Variants in ITPRID2 observed in about 807,000 individuals in gnomAD.
ITPRID2 encodes the protein ITPR interacting domain containing 2, also known as protein ITPRID2.
Under a neutral mutation model 124.3 loss-of-function variants are expected in ITPRID2, and 60 were observed. The ratio of observed to expected loss-of-function variants is 0.48; its 90% CI spans 0.39 to 0.60. The LOEUF (loss-of-function observed/expected upper bound fraction) is 0.60. Ranked by LOEUF, ITPRID2 falls within the 20% of genes least tolerant of loss-of-function variation. The pLI, the probability that ITPRID2 is intolerant of heterozygous loss-of-function variation, is 0.00. For synonymous variants in ITPRID2, 521 were observed against 542.9 expected (o/e 0.96, Z 0.56); for missense variants, 1,553 against 1,512.2 (o/e 1.03, Z -0.45).
intron 8 of ITPRID2, among the ~76,000 whole-genome samples, chr2:181,908,099 G>A (rs143864779): frequency 6.6e-6 from 1 of 152,282 alleles, no homozygotes; most frequent in East Asian, 1.9e-4. Flanking sequence ...GCCGGGTGCG[G>A]CGGCTCACAC....
At chr2:181,922,884 T>TG (rs1394525044) in intron 16 of ITPRID2, among the ~76,000 whole-genome samples, 44 of 151,972 alleles carry the variant, frequency 2.9e-4, no homozygotes, top group Non-Finnish European at 3.2e-4. Flanking sequence ...ATCATGCCAT[T>TG]GCACTCCAGC....
At chr2:181,893,627 T>C (rs1010049067) in intron 2 of ITPRID2, 1 of 152,202 alleles carries the variant, frequency 6.6e-6, no homozygotes, top group Non-Finnish European at 1.5e-5. Context: ...TACCCTTTAT[T>C]GGAAGTGTCA....
chr2:181,900,839 T>C lies in ITPRID2; in HGVS notation c.647T>C (p.Ile216Thr), dbSNP rs182923331. 8.1e-5 allele frequency: 131 copies of C among 1,613,132 alleles called. No homozygotes were observed. The East Asian group carries it at 2.4e-3, about 29-fold the overall frequency. The change falls in exon 7 of 18, where the codon ATT (isoleucine) becomes ACT (threonine). Residue 216 changes from isoleucine to threonine, a missense_variant. By Grantham distance (89) the Ile-to-Thr change is moderately conservative. Coordinates refer to ENST00000431877, the MANE Select transcript of ITPRID2 (RefSeq NM_001130445.3). ...TCATCCTTTGCCAAAGGGATAGATA[T>C]TAAAGTATTTTTGAGTGCTCAGATG... ...NSSSFAKGID[I>T]KVFLSAQMQR...
Position 181,918,604 on chromosome 2 carries a change from A to C in ITPRID2, c.2794A>C (p.Met932Leu). ...TACTTTTACTTTTTTGAAGTACCCT[A>C]TGATGAGAGGACCTGATCCTGCTGC... Reference protein sequence around the residue: ...NSLQNLSQYPMMRGPDPAAAP... With the variant: ...NSLQNLSQYPLMRGPDPAAAP... Residue 932 changes from methionine (M) to leucine (L), a missense_variant, in exon 12 of 18, where the codon ATG becomes CTG. Met to Leu is a conservative substitution (Grantham distance 15, BLOSUM62 2). Coordinates refer to ENST00000431877, the MANE Select transcript of ITPRID2 (RefSeq NM_001130445.3). The C allele has an allele frequency of 6.2e-7, 1 of 1,613,892 alleles. No homozygotes were observed. The highest frequency in any genetic ancestry group is 8.5e-7 in the Non-Finnish European group (1 of 1,179,870).
intron 8 of ITPRID2, among the ~76,000 whole-genome samples, chr2:181,909,342 C>CT (rs1378996292): frequency 6.6e-6 from 1 of 152,098 alleles, no homozygotes; most frequent in African/African-American, 2.4e-5. Flanking sequence ...GCACTGTGTT[C>CT]TATTTTCAAA....
At chr2:181,917,897 T>A (rs1694197562) in intron 11 of ITPRID2, 1 of 152,314 alleles carries the variant, frequency 6.6e-6, no homozygotes, top group South Asian at 2.1e-4. Context: ...TCCTCCTGCC[T>A]TGGCCTCCCA....
intron 17 of ITPRID2, 118 bp downstream of exon 17, chr2:181,928,396 T>G (rs528424734): frequency 5.0e-5 from 28 of 562,134 alleles, no homozygotes; most frequent in Non-Finnish European, 5.6e-5. Context: ...TTAGAATGTA[T>G]GTAATATGTT....
At chr2:181,911,208 A>C (rs932749387) in intron 9 of ITPRID2, among the ~76,000 whole-genome samples, 2 of 152,220 alleles carry the variant, frequency 1.3e-5, no homozygotes, top group South Asian at 2.1e-4. Context: ...AGTTTTCATC[A>C]TCTTGAAAAG....
chr2:181,930,019 A>G lies in ITPRID2; in HGVS notation c.*472A>G, dbSNP rs1015281115. On this transcript the variant is annotated 3_prime_UTR_variant, in exon 18 of 18. Transcript: ENST00000431877. ...CTGCTGTTAATTAATGTCACTTCCAAGAAGAAAAACTGTTCTGTTGTAAAA... is the reference window on the plus strand; with the variant it reads ...CTGCTGTTAATTAATGTCACTTCCAGGAAGAAAAACTGTTCTGTTGTAAAA... The G allele has an allele frequency of 1.3e-5, 2 of 156,046 alleles. No individual in the cohort carries two copies. The highest frequency in any genetic ancestry group is 4.8e-5 in the African/African-American group (2 of 41,598). The allele number at this position is 156,046 out of a possible 1,614,324, so 9.7% of individuals were successfully genotyped here. A position where few individuals can be genotyped will look rare whatever the true frequency, so the allele number is the denominator to read the frequency against.
chr2:181,901,877 C>T lies in ITPRID2; in HGVS notation c.824C>T (p.Thr275Ile). ...LQRIGSMSSVTSNKETDPPPP... is the reference protein window; with the variant it reads ...LQRIGSMSSVISNKETDPPPP... ...AGAATTGGAAGTATGTCCTCAGTGA[C>T]CTCTAACAAGGAGACAGACCCACCT... Residue 275 changes from threonine (T) to isoleucine (I), a missense_variant, in exon 8 of 18, where the codon ACC becomes ATC. Thr to Ile is a moderately conservative substitution (Grantham distance 89, BLOSUM62 -1). Transcript: ENST00000431877. The T allele has an allele frequency of 6.2e-7, 1 of 1,613,848 alleles. No individual in the cohort carries two copies. The highest frequency in any genetic ancestry group is 8.5e-7 in the Non-Finnish European group (1 of 1,179,860).
In ITPRID2 at chr2:181,892,323, G is replaced by T. The variant is rs1168445732; in HGVS notation, c.211+46G>T. On this transcript the variant is annotated intron_variant, in intron 1 of 17. Transcript: ENST00000431877. The surrounding 1 kb of genome is among the most constrained non-coding windows in gnomAD (Gnocchi z 5.2). Reference sequence around the variant, plus strand: ...TCCGGGGGGAGGCTGGTGGGCTGGGGAGAGTCTCGTGCGCCCTGGGCGCCT... The same window carrying T: ...TCCGGGGGGAGGCTGGTGGGCTGGGTAGAGTCTCGTGCGCCCTGGGCGCCT... 1 of 1,504,990 alleles carries T rather than the reference G, an allele frequency of 6.6e-7. No homozygotes were observed. Among genetic ancestry groups the T allele is most frequent in the Non-Finnish European group, 8.9e-7 (1 of 1,125,732 alleles). The allele number at this position is 1,504,990 out of a possible 1,614,324, so 93.2% of individuals were successfully genotyped here. A position where few individuals can be genotyped will look rare whatever the true frequency, so the allele number is the denominator to read the frequency against.
chr2:181,923,679 AT>A lies in ITPRID2; in HGVS notation c.3675+1278del, dbSNP rs932426410. On this transcript the variant is annotated intron_variant, in intron 16 of 17. Transcript: ENST00000431877. ...AACTGAGGAAGTGGGTTTTAAGGTA[AT>A]TTTTTTTTTTCTAGAAATGTGATGG... Among the ~76,000 whole-genome samples, 384 of 148,566 alleles carry A rather than the reference AT, an allele frequency of 2.6e-3. 3 individuals are homozygous for A. Among genetic ancestry groups the A allele is most frequent in the African/African-American group, 8.0e-3 (326 of 40,590 alleles).
Position 181,892,412 on chromosome 2 carries a change from T to C in ITPRID2, c.211+135T>C. 8.3e-7 allele frequency: 1 copy of C among 1,203,354 alleles called. No individual in the cohort carries two copies. Among genetic ancestry groups the C allele is most frequent in the Admixed American group, 2.5e-5 (1 of 40,644 alleles). The allele number at this position is 1,203,354 out of a possible 1,614,324, so 74.5% of individuals were successfully genotyped here. ...AGGGGAGAGGGGACACTTCCGACCT[T>C]CAAACGCGCGCGCTGAACGAGGCGC... On this transcript the variant is annotated intron_variant, in intron 1 of 17. Coordinates refer to ENST00000431877, the MANE Select transcript of ITPRID2 (RefSeq NM_001130445.3). This position sits in a 1 kb window ranked among gnomAD's most constrained non-coding sequence, Gnocchi z 5.2.
chr2:181,914,001 A>G lies in ITPRID2; in HGVS notation c.1575+68A>G, dbSNP rs891570182. 7 of 929,968 alleles carry G rather than the reference A, an allele frequency of 7.5e-6. No homozygotes were observed. In the African/African-American group the frequency reaches 8.4e-5, roughly 11 times the overall value. 57.6% of individuals were successfully genotyped at this position (929,968 alleles called of 1,614,324 possible). ...ATTTTAAGGTGGTTTTTGTATTACT[A>G]TATATTTTAATATTGAGTCTGTATA... On this transcript the variant is annotated intron_variant, in intron 10 of 17. Transcript: ENST00000431877.
chr2:181,927,926 T>C (rs1184592987), intron 16 of ITPRID2, among the ~76,000 whole-genome samples: 1 of 152,246 alleles, frequency 6.6e-6, no homozygotes, highest in Non-Finnish European at 1.5e-5. Flanking sequence ...CCTCACCTTA[T>C]GAATTGTGAT....
chr2:181,916,272 T>C lies in ITPRID2; in HGVS notation c.2632T>C (p.Cys878Arg). 6.2e-7 allele frequency: 1 copy of C among 1,614,186 alleles called. No homozygotes were observed. Among genetic ancestry groups the C allele is most frequent in the Non-Finnish European group, 8.5e-7 (1 of 1,180,030 alleles). Residue 878 changes from cysteine (C) to arginine (R), a missense_variant, in exon 11 of 18, where the codon TGT becomes CGT. Cys to Arg is a radical substitution (Grantham distance 180). Coordinates refer to ENST00000431877, the MANE Select transcript of ITPRID2 (RefSeq NM_001130445.3). ...TGTTCCCAACATATCAGGGGCTACT[T>C]GTAGTGCCTTCGCTTCCCCTTTCGG... is the stretch of plus-strand genomic sequence containing the variant. ...HSVPNISGAT[C>R]SAFASPFGCP...
Position 181,905,518 on chromosome 2 carries a change from A to G in ITPRID2, c.1413+3052A>G, listed in dbSNP as rs535901904. ...GTGAATGATTCACAAGTTAAACCAA[A>G]ATGATCCTTCTCAAGCAGATGTTCA... On this transcript the variant is annotated intron_variant, in intron 8 of 17. Coordinates refer to ENST00000431877, the MANE Select transcript of ITPRID2 (RefSeq NM_001130445.3). The surrounding 1 kb of genome is among the most constrained non-coding windows in gnomAD (Gnocchi z 4.1). Among the ~76,000 whole-genome samples the G allele has an allele frequency of 3.4e-4, 52 of 152,296 alleles. No homozygotes were observed. The highest frequency in any genetic ancestry group is 5.3e-4 in the Non-Finnish European group (36 of 68,012).
chr2:181,899,137 G>C, intron 6 of ITPRID2, 25 bp downstream of exon 6: 2 of 1,508,396 alleles, frequency 1.3e-6, no homozygotes, highest in Non-Finnish European at 1.8e-6. Flanking sequence ...AATTGTGTTG[G>C]AATTACATTG....
At chr2:181,923,151 G>A (rs568967111) in intron 16 of ITPRID2, among the ~76,000 whole-genome samples, 29 of 152,268 alleles carry the variant, frequency 1.9e-4, no homozygotes, top group African/African-American at 7.0e-4. Flanking sequence ...GATTAGTAGT[G>A]AAAGTTCAAA....
Sources: allele counts gnomAD v4.1 joint callset (sites outside exome capture counted in the v4.1 genomes callset), GRCh38; gene constraint gnomAD v4.1.1; non-coding constraint Gnocchi (gnomAD v3.1); transcripts MANE v1.5; gene names NCBI Gene and HGNC (gene_info 2026-07-23, HGNC 2026-07-21).